The following ITSN2 variants were observed in gnomAD, a reference collection of about 807,000 sequenced individuals.
The protein encoded by ITSN2 is intersectin-2.
A neutral mutation model predicts 243.7 loss-of-function variants in ITSN2; 156 were observed. The observed-to-expected ratio is 0.64, with a 90% confidence interval of 0.56 to 0.73. The LOEUF (loss-of-function observed/expected upper bound fraction) is 0.73, where lower values mean the gene tolerates loss of function less well. ITSN2 is among the 30% of genes least tolerant of loss of function. The pLI is 0.00. For synonymous variants in ITSN2, 703 were observed against 699.9 expected, an observed-to-expected ratio of 1.00 and a Z score of -0.07; for missense variants, 1,801 against 1,996.1, an observed-to-expected ratio of 0.90 and a Z score of 1.86.
intron 20 of ITSN2, among the ~76,000 whole-genome samples, chr2:24,263,618 G>A (rs143241167): frequency 1.1e-4 from 17 of 152,090 alleles, no homozygotes; most frequent in African/African-American, 2.9e-4. Flanking sequence ...ACACTGGCCT[G>A]TTTTCTGTCC....
Position 24,204,347 on chromosome 2 carries a change from G to C in ITSN2, c.4834C>G (p.Leu1612Val). 4 of 1,614,134 alleles carry C rather than the reference G, an allele frequency of 2.5e-6. No individual in the cohort carries two copies. Among genetic ancestry groups the C allele is most frequent in the Non-Finnish European group, 3.4e-6 (4 of 1,179,976 alleles). The change falls in exon 39 of 40, where the codon CTC (leucine) becomes GTC (valine). Residue 1612 changes from leucine to valine, a missense_variant. By Grantham distance (32) the Leu-to-Val change is conservative (BLOSUM62 1). Coordinates refer to ENST00000355123, the MANE Select transcript of ITSN2 (RefSeq NM_006277.3). The surrounding 1 kb of genome is among the most constrained non-coding windows in gnomAD (Gnocchi z 5.1). The stretch of plus-strand genomic sequence containing the variant: ...CAGTTAAAATTCCACTTGGGATTGA[G>C]TGTGTCCTGGATGGTCCTGGTGGTG... ...SYTTRTIQDT[L>V]NPKWNFNCQF... is the part of the protein sequence containing the mutation.
At chr2:24,209,735 C>T (rs1033026624) in intron 35 of ITSN2, 83 bp downstream of exon 35, 26 of 1,118,536 alleles carry the variant, frequency 2.3e-5, no homozygotes, top group Non-Finnish European at 3.5e-5. Flanking sequence ...GTAAGGCCAG[C>T]TCAGGGTCTG....
chr2:24,311,445 C>T (rs952023611), intron 5 of ITSN2, among the ~76,000 whole-genome samples: 2 of 152,030 alleles, frequency 1.3e-5, no homozygotes, highest in African/African-American at 4.8e-5. Context: ...TTCACAGGTG[C>T]GATCATAGCA....
intron 2 of ITSN2, among the ~76,000 whole-genome samples, chr2:24,325,226 T>C (rs566273286): frequency 2.0e-5 from 3 of 152,074 alleles, no homozygotes; most frequent in East Asian, 3.9e-4. Flanking sequence ...TTGGACAAGA[T>C]AGTGAGACCC....
At position 24,304,771 on chromosome 2, in the gene ITSN2, AAGG is replaced by A. The variant is rs375726229; in HGVS notation, c.794-912_794-910del. On this transcript the variant is annotated intron_variant, in intron 8 of 39. Coordinates refer to ENST00000355123, the MANE Select transcript of ITSN2 (RefSeq NM_006277.3). ...AGGCAATAGAGCAAACAGAAGAGAG[AAGG>A]AGGAGGAATGTAAATGGTTAAAAAT... Among the ~76,000 whole-genome samples, 20 of 151,904 alleles carry A rather than the reference AAGG, an allele frequency of 1.3e-4. No individual in the cohort carries two copies. The East Asian group carries it at 4.0e-3, about 30-fold the overall frequency.
intron 39 of ITSN2, 156 bp from the exon 40 acceptor site, chr2:24,203,939 G>C: frequency 1.4e-6 from 1 of 732,496 alleles, no homozygotes; most frequent in Non-Finnish European, 2.2e-6. Context: ...GGTGTGTGGG[G>C]AATGATGGCA....
intron 29 of ITSN2, among the ~76,000 whole-genome samples, chr2:24,233,538 TGTGGGG>T (rs1207523983): frequency 2.0e-5 from 3 of 152,206 alleles, no homozygotes; most frequent in Admixed American, 1.3e-4. Flanking sequence ...GAAAGCAGCA[TGTGGGG>T]GTGGCTAAGA....
In ITSN2 at chr2:24,310,648, G is replaced by C. The variant is rs144746035; in HGVS notation, c.397C>G (p.Pro133Ala). ...GACAATGATGTTATAGGTGCAGCTG[G>C]AGGCAATGGCTGAGGAATGGACAGA... Reference protein sequence around the residue: ...PNLSIPQPLPPAAPITSLSSA... With the variant: ...PNLSIPQPLPAAAPITSLSSA... Residue 133 changes from proline to alanine, a missense_variant, in exon 6 of 40, where the codon CCA becomes GCA. By Grantham distance (27) the Pro-to-Ala change is conservative. Coordinates refer to ENST00000355123, the MANE Select transcript of ITSN2 (RefSeq NM_006277.3). 6.2e-7 allele frequency: 1 copy of C among 1,614,156 alleles called. No homozygotes were observed. The highest frequency in any genetic ancestry group is 1.1e-5 in the South Asian group (1 of 91,076).
chr2:24,233,474 C>T (rs1338566339), intron 29 of ITSN2, among the ~76,000 whole-genome samples: 1 of 152,168 alleles, frequency 6.6e-6, no homozygotes, highest in African/African-American at 2.4e-5. Flanking sequence ...TTGCAATTAA[C>T]TGATGACTGT....
intron 24 of ITSN2, among the ~76,000 whole-genome samples, chr2:24,252,863 G>A (rs1674525585): frequency 6.6e-6 from 1 of 152,136 alleles, no homozygotes; most frequent in Non-Finnish European, 1.5e-5. Flanking sequence ...TTCAGATAAT[G>A]GAGTCAAGAT....
At chr2:24,323,799 T>C (rs998303575) in intron 2 of ITSN2, among the ~76,000 whole-genome samples, 4 of 152,202 alleles carry the variant, frequency 2.6e-5, no homozygotes, top group African/African-American at 4.8e-5. Context: ...GTTTCCTTAT[T>C]CAACCCAATC....
At chr2:24,337,339 T>TATATATATATATATAC (rs1159743662) in intron 1 of ITSN2, among the ~76,000 whole-genome samples, 4 of 113,274 alleles carry the variant, frequency 3.5e-5, no homozygotes, top group Non-Finnish European at 7.4e-5. Flanking sequence ...TATATATATA[T>TATATATATATATATAC]ATATATATAT....
intron 39 of ITSN2, 45 bp from the exon 40 acceptor site, chr2:24,203,828 A>G: frequency 1.3e-6 from 2 of 1,557,870 alleles, no homozygotes; most frequent in Non-Finnish European, 1.7e-6. Flanking sequence ...CTTCTTTATA[A>G]AATCATTAAA....
chr2:24,262,394 AC>A (rs1229746031), intron 20 of ITSN2, among the ~76,000 whole-genome samples: 1 of 151,498 alleles, frequency 6.6e-6, no homozygotes, highest in Non-Finnish European at 1.5e-5. Context: ...TGTTCCTGTT[AC>A]ACAGTTTTTT....
At chr2:24,287,659 G>C (rs1679689280) in intron 15 of ITSN2, among the ~76,000 whole-genome samples, 1 of 151,962 alleles carries the variant, frequency 6.6e-6, no homozygotes, top group East Asian at 1.9e-4. Context: ...TCCTCCAACA[G>C]TGTACATGGG....
rs115750406 is a variant in ITSN2, at chr2:24,231,843, C to G, written c.3578-10777G>C. Among the ~76,000 whole-genome samples the G allele has an allele frequency of 1.0e-2, 1,522 of 152,330 alleles. 23 individuals are homozygous for G. The highest frequency in any genetic ancestry group is 0.035 in the African/African-American group (1,461 of 41,578). On this transcript the variant is annotated intron_variant, in intron 29 of 39. Coordinates refer to ENST00000355123, the MANE Select transcript of ITSN2 (RefSeq NM_006277.3). ...CAGTGCCGGTGAACAATGCTATTCTCTGTGTGCCCACTTATGCGGCCAGAG... is the reference window on the plus strand; with the variant it reads ...CAGTGCCGGTGAACAATGCTATTCTGTGTGTGCCCACTTATGCGGCCAGAG...
intron 1 of ITSN2, among the ~76,000 whole-genome samples, chr2:24,337,315 A>AATATATATATATACACATATATAT (rs1278959952): frequency 6.2e-5 from 2 of 32,026 alleles, no homozygotes; most frequent in Admixed American, 1.1e-3. Flanking sequence ...GTATACACAA[A>AATATATATATATACACATATATAT]ATATATATAT....
chr2:24,328,189 T>A, intron 1 of ITSN2, 74 bp from the exon 2 acceptor site: 3 of 1,026,110 alleles, frequency 2.9e-6, no homozygotes, highest in Non-Finnish European at 4.6e-6. Context: ...CGCTAAGCAG[T>A]AGGAATGTCT....
intron 1 of ITSN2, among the ~76,000 whole-genome samples, chr2:24,332,202 A>G (rs912416089): frequency 1.3e-5 from 2 of 152,228 alleles, no homozygotes; most frequent in African/African-American, 4.8e-5. Context: ...AGATCAGGCC[A>G]TTGCACTCCA....
Sources: gnomAD v4.1 joint callset for allele counts (sites outside exome capture counted in the v4.1 genomes callset) on GRCh38, gnomAD v4.1.1 for gene constraint, Gnocchi (gnomAD v3.1) non-coding constraint, MANE v1.5 for transcripts, NCBI Gene and HGNC (gene_info 2026-07-23, HGNC 2026-07-21) for gene names.